The following DOCK7 variants were observed in gnomAD, a reference collection of about 807,000 sequenced individuals.
DOCK7 encodes the protein dedicator of cytokinesis protein 7.
DOCK7 carries 138 observed loss-of-function variants against 271.0 expected under a neutral mutation model. The ratio of observed to expected loss-of-function variants is 0.51; its 90% CI spans 0.44 to 0.59. The LOEUF (loss-of-function observed/expected upper bound fraction) is 0.59, where lower values mean the gene tolerates loss of function less well. Among genes scored for constraint, DOCK7 ranks in the 20% least tolerant of loss-of-function variants. The pLI, the probability that DOCK7 is intolerant of heterozygous loss-of-function variation, is 0.00. For synonymous variants in DOCK7, 823 were observed against 876.1 expected, an observed-to-expected ratio of 0.94 and a Z score of 1.07; for missense variants, 2,066 against 2,592.4, an observed-to-expected ratio of 0.80 and a Z score of 4.41.
At chr1:62,545,166 C>G in intron 22 of DOCK7, 127 bp from the exon 23 acceptor site, 1 of 777,938 alleles carries the variant, frequency 1.3e-6, no homozygotes, top group South Asian at 2.3e-5. Flanking sequence ...TTAAAGCAAC[C>G]AAAATTTGTA....
chr1:62,555,734 T>C (rs563787601), intron 21 of DOCK7, 91 bp downstream of exon 21: 4 of 1,393,854 alleles, frequency 2.9e-6, no homozygotes, highest in East Asian at 4.8e-5. Flanking sequence ...TTTGAATAAA[T>C]GGATCACAGT....
At chr1:62,558,483 G>C (rs1320544702) in intron 20 of DOCK7, among the ~76,000 whole-genome samples, 1 of 152,024 alleles carries the variant, frequency 6.6e-6, no homozygotes, top group African/African-American at 2.4e-5. Flanking sequence ...AAAACGATGG[G>C]AATGAAGAAC....
At chr1:62,602,812 A>G (rs1650349859) in intron 14 of DOCK7, among the ~76,000 whole-genome samples, 1 of 151,596 alleles carries the variant, frequency 6.6e-6, no homozygotes, top group African/African-American at 2.4e-5. Context: ...TCAGACATAC[A>G]GTATACATTT....
chr1:62,583,488 T>C (rs1275898981), intron 15 of DOCK7, among the ~76,000 whole-genome samples: 2 of 152,232 alleles, frequency 1.3e-5, no homozygotes, highest in Non-Finnish European at 2.9e-5. Flanking sequence ...CTATCAATTT[T>C]ATTTATATCT....
chr1:62,633,604 T>C (rs775307931), intron 9 of DOCK7, 26 bp from the exon 10 acceptor site: 7 of 1,549,764 alleles, frequency 4.5e-6, no homozygotes, highest in East Asian at 4.5e-5. Flanking sequence ...AAAGTTAAGA[T>C]TAAGCTTTTA....
At chr1:62,558,912 TG>T in intron 20 of DOCK7, 76 bp downstream of exon 20, 3 of 1,175,894 alleles carry the variant, frequency 2.6e-6, no homozygotes, top group Non-Finnish European at 3.6e-6. Context: ...ATAGAAATCA[TG>T]TTTTTTTTTT....
intron 2 of DOCK7, among the ~76,000 whole-genome samples, chr1:62,656,766 C>T (rs1279241242): frequency 6.6e-6 from 1 of 151,628 alleles, no homozygotes; most frequent in Non-Finnish European, 1.5e-5. Flanking sequence ...AGCCCACAAC[C>T]CAGAATACAC....
intron 48 of DOCK7, chr1:62,459,110 G>GA (rs1448390652): frequency 6.6e-6 from 1 of 151,702 alleles, no homozygotes; most frequent in Non-Finnish European, 1.5e-5. Flanking sequence ...TTGGTTCTTT[G>GA]AAAAAACTAA....
At chr1:62,576,503 G>A (rs1354280943) in intron 18 of DOCK7, among the ~76,000 whole-genome samples, 1 of 152,184 alleles carries the variant, frequency 6.6e-6, no homozygotes, top group Non-Finnish European at 1.5e-5. Context: ...CAGAGCAATA[G>A]CCTTGAATTG....
At chr1:62,612,433 G>A (rs1029258033) in intron 14 of DOCK7, among the ~76,000 whole-genome samples, 16 of 152,142 alleles carry the variant, frequency 1.1e-4, no homozygotes, top group African/African-American at 3.9e-4. Context: ...TACACGTGGG[G>A]CTTAAAACCT....
intron 15 of DOCK7, 134 bp downstream of exon 15, chr1:62,586,373 G>A (rs1647525243): frequency 1.6e-6 from 1 of 620,028 alleles, no homozygotes; most frequent in African/African-American, 1.9e-5. Context: ...TATCTATACA[G>A]AAAGTAATGC....
Position 62,537,879 on chromosome 1 carries a change from C to T in DOCK7, c.3471+12G>A, listed in dbSNP as rs757655530. On this transcript the variant is annotated intron_variant, in intron 28 of 49. Coordinates refer to ENST00000635253, the MANE Select transcript of DOCK7 (RefSeq NM_001367561.1). ...GACTTTAAATATATGTATATTCACACAATTTGCATACCTGAGATGTTGCAG... is the reference window on the plus strand; with the variant it reads ...GACTTTAAATATATGTATATTCACATAATTTGCATACCTGAGATGTTGCAG... 6 of 1,608,226 alleles carry T rather than the reference C, an allele frequency of 3.7e-6. No individual in the cohort carries two copies. The South Asian group carries it at 4.4e-5, about 12-fold the overall frequency.
chr1:62,619,017 T>C (rs1359247099), intron 13 of DOCK7, 149 bp from the exon 14 acceptor site: 8 of 613,680 alleles, frequency 1.3e-5, no homozygotes, highest in Non-Finnish European at 2.2e-5. Flanking sequence ...CTCATGCCTC[T>C]AAATCATTTC....
At chr1:62,681,654 T>C (rs1393682616) in intron 1 of DOCK7, among the ~76,000 whole-genome samples, 3 of 152,112 alleles carry the variant, frequency 2.0e-5, no homozygotes, top group Admixed American at 1.3e-4. Flanking sequence ...TGAAAATTTG[T>C]ATAGGAGTGT....
chr1:62,502,231 T>G (rs1370733355), intron 37 of DOCK7, among the ~76,000 whole-genome samples: 1 of 152,134 alleles, frequency 6.6e-6, no homozygotes, highest in Non-Finnish European at 1.5e-5. Flanking sequence ...TTGGGCTTAA[T>G]TTTCAAAGCC....
At chr1:62,508,127 A>T (rs1208540186) in intron 34 of DOCK7, 69 bp from the exon 35 acceptor site, 1 of 1,318,194 alleles carries the variant, frequency 7.6e-7, no homozygotes, top group Non-Finnish European at 1.0e-6. Flanking sequence ...AGACTTAAGG[A>T]TGCATAGAAA....
chr1:62,656,311 T>C (rs1207971304), intron 2 of DOCK7, among the ~76,000 whole-genome samples: 1 of 152,092 alleles, frequency 6.6e-6, no homozygotes, highest in Non-Finnish European at 1.5e-5. Flanking sequence ...GAAAAAAGAA[T>C]AATCATAAAA....
chr1:62,598,774 C>T (rs370511181), intron 14 of DOCK7: 10 of 1,606,974 alleles, frequency 6.2e-6, no homozygotes, highest in Non-Finnish European at 7.7e-6. Context: ...ATTAAACCAA[C>T]AGCATAGTCA....
In DOCK7 at chr1:62,648,338, A is replaced by G; in HGVS notation, c.520-20T>C. The G allele has an allele frequency of 6.8e-7, 1 of 1,467,862 alleles. No homozygotes were observed. The highest frequency in any genetic ancestry group is 9.0e-7 in the Non-Finnish European group (1 of 1,105,620). 90.9% of individuals were successfully genotyped at this position (1,467,862 alleles called of 1,614,324 possible). A position where few individuals can be genotyped will look rare whatever the true frequency, so the allele number is the denominator to read the frequency against. ...GTCATCCTGTCATGCAAAACATTAA[A>G]TATAAATATATTAATTAATAAATTG... On this transcript the variant is annotated intron_variant, in intron 5 of 49. Transcript: ENST00000635253.
Sources: gnomAD v4.1 joint callset for allele counts (sites outside exome capture counted in the v4.1 genomes callset) on GRCh38, gnomAD v4.1.1 for gene constraint, MANE v1.5 for transcripts, NCBI Gene and HGNC (gene_info 2026-07-23, HGNC 2026-07-21) for gene names.